The following LVRN variants were observed in gnomAD, a reference collection of about 807,000 sequenced individuals.
LVRN encodes laeverin.
Under a neutral mutation model 111.4 loss-of-function variants are expected in LVRN, and 99 were observed. The ratio of observed to expected loss-of-function variants is 0.89; its 90% confidence interval spans 0.76 to 1.05. The LOEUF is 1.05. Among genes scored for constraint, LVRN ranks in the 50% least tolerant of loss-of-function variants. The pLI, the probability that LVRN is intolerant of heterozygous loss-of-function variation, is 0.00. For missense variants in LVRN, 1,414 were observed against 1,206.8 expected (o/e 1.17, Z -2.54); for synonymous variants, 488 against 449.5 (o/e 1.09, Z -1.08).
intron 13 of LVRN, among the ~76,000 whole-genome samples, chr5:116,008,395 A>G (rs1277234705): frequency 6.6e-6 from 1 of 152,080 alleles, no homozygotes; most frequent in Non-Finnish European, 1.5e-5. Flanking sequence ...TAACCCTACA[A>G]TGGCCTTTAG....
At position 116,002,839 on chromosome 5, in the gene LVRN, A is replaced by G; in HGVS notation, c.1825A>G (p.Thr609Ala). The change falls in exon 11 of 20, where the codon ACA becomes GCA. Residue 609 changes from threonine (T) to alanine (A), a missense_variant. Transcript: ENST00000357872. Reference sequence around the variant, plus strand: ...TTTTTATTTTCTTCCAATAAGTGACACATGGATTGTCCCTATTCTTTGGAT... The same window carrying G: ...TTTTTATTTTCTTCCAATAAGTGACGCATGGATTGTCCCTATTCTTTGGAT... ...KNRTLLTSND[T>A]WIVPILWIKN... 2 of 1,603,550 alleles carry G rather than the reference A, an allele frequency of 1.2e-6. No homozygotes were observed. Among genetic ancestry groups the G allele is most frequent in the Non-Finnish European group, 1.7e-6 (2 of 1,171,778 alleles).
In LVRN at chr5:115,962,981, G is replaced by C. The variant is rs755591785; in HGVS notation, c.364G>C (p.Ala122Pro). The part of the protein sequence containing the change: ...WPQLRPDELP[A>P]GSLPFTGRVN... ...GCAGCTGAGGCCCGACGAGCTTCCG[G>C]CCGGGTCTTTGCCCTTCACTGGCCG... Residue 122 changes from alanine to proline, a missense_variant, in exon 1 of 20, where the codon GCC becomes CCC. Physicochemically the swap from Ala to Pro is conservative, Grantham distance 27. Transcript: ENST00000357872. 31 of 1,613,364 alleles carry C rather than the reference G, an allele frequency of 1.9e-5. No homozygotes were observed. In the South Asian group the frequency reaches 3.2e-4, roughly 17 times the overall value.
At chr5:116,011,029 A>T in intron 14 of LVRN, 135 bp downstream of exon 14, 1 of 184,012 alleles carries the variant, frequency 5.4e-6, no homozygotes. Flanking sequence ...ATATATATGG[A>T]AGTATATACA....
At chr5:115,990,062 C>G (rs1181296185) in intron 4 of LVRN, among the ~76,000 whole-genome samples, 3 of 152,126 alleles carry the variant, frequency 2.0e-5, no homozygotes, top group Non-Finnish European at 4.4e-5. Flanking sequence ...GTAGCTTGCT[C>G]AATGAATTCT....
intron 1 of LVRN, among the ~76,000 whole-genome samples, chr5:115,968,849 A>G (rs1423688129): frequency 6.6e-6 from 1 of 152,228 alleles, no homozygotes; most frequent in Non-Finnish European, 1.5e-5. Context: ...AAGGAGGCTA[A>G]GCTGGGATAT....
rs112816671 is a variant in LVRN, at chr5:116,018,744, A to T, written c.2756+2979A>T. On this transcript the variant is annotated intron_variant, in intron 18 of 19. Transcript: ENST00000357872. ...GCCAAGATTTGTTCAAATATTTTAA[A>T]TTTGTTTTACTTAGAAAGCTCATCT... Among the ~76,000 whole-genome samples, 659 of 152,280 alleles carry T rather than the reference A, an allele frequency of 4.3e-3. 5 individuals carry two copies. Among genetic ancestry groups the T allele is most frequent in the African/African-American group, 0.015 (632 of 41,566 alleles).
At chr5:116,003,846 G>C (rs915630327) in intron 12 of LVRN, among the ~76,000 whole-genome samples, 12 of 152,138 alleles carry the variant, frequency 7.9e-5, no homozygotes, top group Admixed American at 6.5e-4. Context: ...CTCTCAAAGT[G>C]CTGGGATTAC....
chr5:116,000,331 G>T, intron 7 of LVRN, 102 bp from the exon 8 acceptor site: 6 of 1,467,492 alleles, frequency 4.1e-6, no homozygotes, highest in Non-Finnish European at 4.7e-6. Flanking sequence ...AATGCAAAAT[G>T]CAATCAGGAG....
At chr5:115,991,230 A>G (rs1220246656) in intron 4 of LVRN, among the ~76,000 whole-genome samples, 1 of 152,106 alleles carries the variant, frequency 6.6e-6, no homozygotes, top group Non-Finnish European at 1.5e-5. Context: ...ATCCCTGACA[A>G]CCACCAATCT....
At chr5:115,988,666 T>G (rs892989029) in intron 4 of LVRN, among the ~76,000 whole-genome samples, 2 of 152,276 alleles carry the variant, frequency 1.3e-5, no homozygotes, top group East Asian at 1.9e-4. Context: ...GAGTAAATAT[T>G]TGGGAGCTTG....
At chr5:116,009,045 C>G (rs755522673) in intron 13 of LVRN, among the ~76,000 whole-genome samples, 1 of 152,210 alleles carries the variant, frequency 6.6e-6, no homozygotes, top group Non-Finnish European at 1.5e-5. Flanking sequence ...TTTCAAAGGA[C>G]AGGCTGACTC....
chr5:115,963,140 C>G lies in LVRN; in HGVS notation c.523C>G (p.Pro175Ala). The G allele has an allele frequency of 6.2e-7, 1 of 1,613,310 alleles. No homozygotes were observed. ...TGGGAACGCCACAGTGGGCCGCGTG[C>G]CCGTGGACGACGTGTGGTTCGCGCT... ...GTGNATVGRV[P>A]VDDVWFALDT... The change falls in exon 1 of 20, where the codon CCC becomes GCC. Residue 175 changes from proline to alanine, a missense_variant. Transcript: ENST00000357872.
At position 115,962,502 on chromosome 5, in the gene LVRN, G is replaced by A. The variant is rs1753097925; in HGVS notation, c.-116G>A. The A allele has an allele frequency of 5.4e-6, 5 of 933,552 alleles. No homozygotes were observed. The Admixed American group carries it at 8.3e-5, about 16-fold the overall frequency. The allele number at this position is 933,552 out of a possible 1,614,324, so 57.8% of individuals were successfully genotyped here. A position where few individuals can be genotyped will look rare whatever the true frequency, so the allele number is the denominator to read the frequency against. On this transcript the variant is annotated 5_prime_UTR_variant, in exon 1 of 20. Transcript: ENST00000357872. Reference sequence around the variant, plus strand: ...TCCGTCCAGGCTCTTCCAGGAGGAAGAGGCACGATACAAGAGAGGAGGGGC... The same window carrying A: ...TCCGTCCAGGCTCTTCCAGGAGGAAAAGGCACGATACAAGAGAGGAGGGGC...
intron 1 of LVRN, among the ~76,000 whole-genome samples, chr5:115,964,103 G>C (rs551316937): frequency 6.6e-6 from 1 of 152,182 alleles, no homozygotes; most frequent in Non-Finnish European, 1.5e-5. Context: ...CTCTTTCCAC[G>C]CTCTGAGACC....
chr5:116,003,161 G>C (rs998302734), intron 11 of LVRN, 80 bp from the exon 12 acceptor site: 3 of 1,292,464 alleles, frequency 2.3e-6, no homozygotes, highest in Non-Finnish European at 3.2e-6. Flanking sequence ...TTATTGTTTA[G>C]AATCGAGTGT....
chr5:116,023,756 T>G (rs1361982069), intron 19 of LVRN: 1 of 151,934 alleles, frequency 6.6e-6, no homozygotes, highest in Non-Finnish European at 1.5e-5. Flanking sequence ...ATAGGTAAAA[T>G]TAGAAAGATT....
intron 13 of LVRN, among the ~76,000 whole-genome samples, chr5:116,006,778 C>T (rs938515480): frequency 7.9e-5 from 12 of 152,122 alleles, no homozygotes; most frequent in South Asian, 2.1e-4. Flanking sequence ...TAAATGTTTG[C>T]GGAAGGACAT....
At chr5:116,018,398 G>A (rs370565577) in intron 18 of LVRN, among the ~76,000 whole-genome samples, 7 of 151,784 alleles carry the variant, frequency 4.6e-5, no homozygotes, top group African/African-American at 9.7e-5. Flanking sequence ...CTACATTTCC[G>A]GTGGCTCACG....
intron 12 of LVRN, among the ~76,000 whole-genome samples, chr5:116,005,593 C>G (rs1362816479): frequency 1.3e-5 from 2 of 152,126 alleles, no homozygotes; most frequent in African/African-American, 4.8e-5. Flanking sequence ...TTGATGTATA[C>G]TTGTTTTGGG....
Sources: gnomAD v4.1 joint callset for allele counts (sites outside exome capture counted in the v4.1 genomes callset) on GRCh38, gnomAD v4.1.1 for gene constraint, MANE v1.5 for transcripts, NCBI Gene and HGNC (gene_info 2026-07-23, HGNC 2026-07-21) for gene names.